TMEM156: variants seen among roughly 807,000 people sequenced by gnomAD.
TMEM156 encodes the protein transmembrane protein 156.
Under a neutral mutation model 30.5 loss-of-function variants are expected in TMEM156, and 28 were observed. That is an observed-to-expected ratio of 0.92 (90% CI 0.68 to 1.26). The LOEUF (loss-of-function observed/expected upper bound fraction) is 1.26. TMEM156 is among the 50% of genes most tolerant of loss of function. The pLI is 0.00. For synonymous variants in TMEM156, 137 were observed against 119.9 expected (o/e 1.14, Z -0.93); for missense variants, 351 against 340.6 (o/e 1.03, Z -0.24).
chr4:39,030,848 C>A (rs1188363443), intron 1 of TMEM156, among the ~76,000 whole-genome samples: 1 of 152,176 alleles, frequency 6.6e-6, no homozygotes, highest in African/African-American at 2.4e-5. Context: ...TCTAACTATT[C>A]TCTTTATAAC....
At chr4:38,984,890 T>C (rs1711865499) in intron 5 of TMEM156, among the ~76,000 whole-genome samples, 1 of 152,096 alleles carries the variant, frequency 6.6e-6, no homozygotes, top group Non-Finnish European at 1.5e-5. Flanking sequence ...CTAAGACAGG[T>C]TTCTTTGGTG....
At chr4:39,020,698 T>C (rs1714810072) in intron 1 of TMEM156, among the ~76,000 whole-genome samples, 1 of 152,088 alleles carries the variant, frequency 6.6e-6, no homozygotes, top group African/African-American at 2.4e-5. Context: ...AACAGGCACA[T>C]GCCACCATGT....
Position 38,968,550 on chromosome 4 carries a change from A to G in TMEM156, c.*39-909T>C, listed in dbSNP as rs113105889. On this transcript the variant is annotated intron_variant, in intron 6 of 6. Coordinates refer to ENST00000381938, the MANE Select transcript of TMEM156 (RefSeq NM_024943.3). ...TGGTCAAAAATCATTTGGTGAATGA[A>G]CAAAGAAAGAGGAACTCTTCAGATG... Among the ~76,000 whole-genome samples the G allele has an allele frequency of 3.1e-3, 469 of 152,360 alleles. 1 individual carries two copies. Among genetic ancestry groups the G allele is most frequent in the African/African-American group, 0.01 (418 of 41,586 alleles).
At chr4:39,005,771 A>G (rs1221265988) in intron 1 of TMEM156, among the ~76,000 whole-genome samples, 1 of 152,170 alleles carries the variant, frequency 6.6e-6, no homozygotes, top group Non-Finnish European at 1.5e-5. Context: ...ATTGATGAAC[A>G]TGTCTTTAGT....
At chr4:38,984,935 G>C (rs1362468204) in intron 5 of TMEM156, among the ~76,000 whole-genome samples, 1 of 152,156 alleles carries the variant, frequency 6.6e-6, no homozygotes, top group South Asian at 2.1e-4. Context: ...ACAACTTTGC[G>C]AGGTTAGTCT....
rs200919074 is a variant in TMEM156 at position 38,975,379 on chromosome 4, C to CTTTTTTTTTT, written c.824-4243_824-4242insAAAAAAAAAA. Reference sequence around the variant, plus strand: ...TGTGATTTTTTTTCTTTTCTTTTTTCTTTTCTTTTTTTTTTTTTTTTGAGA... The same window carrying CTTTTTTTTTT: ...TGTGATTTTTTTTCTTTTCTTTTTTCTTTTTTTTTTTTTTCTTTTTTTTTTTTTTTTGAGA... On this transcript the variant is annotated intron_variant, in intron 5 of 6. Transcript: ENST00000381938. 4.8e-5 allele frequency among the ~76,000 whole-genome samples: 6 copies of CTTTTTTTTTT among 123,790 alleles called. 1 individual carries two copies. Among genetic ancestry groups the CTTTTTTTTTT allele is most frequent in the Admixed American group, 1.8e-4 (2 of 10,976 alleles). 81.2% of individuals were successfully genotyped at this position (123,790 alleles called of 152,430 possible).
At chr4:38,972,979 G>T (rs1193629676) in intron 5 of TMEM156, among the ~76,000 whole-genome samples, 2 of 152,110 alleles carry the variant, frequency 1.3e-5, no homozygotes, top group African/African-American at 2.4e-5. Context: ...TGATTAGAAA[G>T]ACCAATTTTG....
chr4:39,030,179 T>TAAA (rs5857658), intron 1 of TMEM156, among the ~76,000 whole-genome samples: 2 of 144,146 alleles, frequency 1.4e-5, no homozygotes, highest in Non-Finnish European at 3.0e-5. Flanking sequence ...CCCTGTCTCT[T>TAAA]AAAAAAAAAA....
chr4:38,983,506 C>T (rs2109903099), intron 5 of TMEM156, among the ~76,000 whole-genome samples: 1 of 152,318 alleles, frequency 6.6e-6, no homozygotes, highest in South Asian at 2.1e-4. Flanking sequence ...TTAAGCAATC[C>T]TCCCACCTCA....
intron 1 of TMEM156, among the ~76,000 whole-genome samples, chr4:39,002,942 G>A (rs1431622293): frequency 1.3e-5 from 2 of 151,970 alleles, no homozygotes; most frequent in African/African-American, 4.8e-5. Context: ...TAGATGACGA[G>A]TTAGTGGGTG....
chr4:39,018,582 T>C (rs904441274), intron 1 of TMEM156, among the ~76,000 whole-genome samples: 1 of 152,174 alleles, frequency 6.6e-6, no homozygotes, highest in Non-Finnish European at 1.5e-5. Context: ...TCTCACCAAT[T>C]CTAGGTCAAC....
chr4:39,000,420 A>G (rs1223323678), intron 1 of TMEM156, among the ~76,000 whole-genome samples: 4 of 152,078 alleles, frequency 2.6e-5, no homozygotes, highest in Admixed American at 2.0e-4. Flanking sequence ...CCAGTGCTAT[A>G]TCTGTCAGTC....
In TMEM156 at chr4:38,998,656, C is replaced by T; in HGVS notation, c.342G>A (p.Gln114=). 1.2e-6 allele frequency: 2 copies of T among 1,610,624 alleles called. No homozygotes were observed. Among genetic ancestry groups the T allele is most frequent in the Non-Finnish European group, 1.7e-6 (2 of 1,178,146 alleles). Residue 114 remains glutamine, a synonymous_variant, in exon 2 of 7, where the codon CAG becomes CAA. Transcript: ENST00000381938. ...TGTGTTTACCTTTTGATGTTTGTTC[C>T]TGAGAAATAAAATCCATGTTTCCTT... ...ESKGNMDFIS[Q]EQTSKVLIRR...
intron 3 of TMEM156, among the ~76,000 whole-genome samples, chr4:38,992,701 A>T (rs1266096319): frequency 3.9e-4 from 16 of 41,406 alleles, no homozygotes; most frequent in African/African-American, 1.3e-3. Context: ...ATATTATATA[A>T]TATATATATA....
chr4:39,021,387 C>T (rs1051603939), intron 1 of TMEM156, among the ~76,000 whole-genome samples: 1 of 115,080 alleles, frequency 8.7e-6, no homozygotes, highest in Non-Finnish European at 1.8e-5. Flanking sequence ...ATAGTGAGAC[C>T]TTGTCTCAAA....
intron 5 of TMEM156, among the ~76,000 whole-genome samples, chr4:38,974,793 C>T (rs1031248244): frequency 6.6e-6 from 1 of 151,718 alleles, no homozygotes; most frequent in South Asian, 2.1e-4. Flanking sequence ...GTCTCAGCCT[C>T]CCAAGTAGCT....
rs60584759 is a variant in TMEM156, at chr4:38,986,462, C to A, written c.740-43G>T. 9 of 1,421,958 alleles carry A rather than the reference C, an allele frequency of 6.3e-6. No individual in the cohort carries two copies. In the African/African-American group the frequency reaches 1.3e-4, roughly 20 times the overall value. The allele number at this position is 1,421,958 out of a possible 1,614,324, so 88.1% of individuals were successfully genotyped here. A position where few individuals can be genotyped will look rare whatever the true frequency, so the allele number is the denominator to read the frequency against. The stretch of plus-strand genomic sequence containing the variant: ...ATGAAGTATTTAGATGATAAACAAG[C>A]GCATTGTTAACATATATTCCCCATG... On this transcript the variant is annotated intron_variant, in intron 4 of 6. Coordinates refer to ENST00000381938, the MANE Select transcript of TMEM156 (RefSeq NM_024943.3).
intron 1 of TMEM156, among the ~76,000 whole-genome samples, chr4:39,005,725 C>A (rs561968691): frequency 6.6e-6 from 1 of 152,194 alleles, no homozygotes; most frequent in African/African-American, 2.4e-5. Flanking sequence ...AATTATATGT[C>A]TGTGAAGTTG....
intron 3 of TMEM156, among the ~76,000 whole-genome samples, chr4:38,992,825 G>A (rs1429213550): frequency 1.4e-5 from 2 of 147,494 alleles, no homozygotes; most frequent in African/African-American, 5.0e-5. Context: ...GCAGCAGCGC[G>A]ATCTCGGCTC....
Sources: allele counts gnomAD v4.1 joint callset (sites outside exome capture counted in the v4.1 genomes callset), GRCh38; gene constraint gnomAD v4.1.1; transcripts MANE v1.5; gene names NCBI Gene and HGNC (gene_info 2026-07-23, HGNC 2026-07-21).